KAZN: variants seen among roughly 807,000 people sequenced by gnomAD.
The protein encoded by KAZN is kazrin, periplakin interacting protein.
In KAZN, 40 loss-of-function variants were observed where a neutral mutation model predicts 87.4. The ratio of observed to expected loss-of-function variants is 0.46; its 90% CI spans 0.36 to 0.60. KAZN has a LOEUF of 0.60. Among genes scored for constraint, KAZN ranks in the 20% least tolerant of loss-of-function variants. The pLI is 0.00. For missense variants in KAZN, 898 were observed against 1,073.9 expected (o/e 0.84, Z 2.29); for synonymous variants, 466 against 458.3 (o/e 1.02, Z -0.22).
At chr1:14,258,195 A>ATTCTTTCTTTCT (rs201211061) in intron 2 of KAZN, among the ~76,000 whole-genome samples, 1 of 142,348 alleles carries the variant, frequency 7.0e-6, no homozygotes, top group African/African-American at 2.7e-5. Flanking sequence ...ACATTTCAAG[A>ATTCTTTCTTTCT]TTCTTTCTTT....
chr1:14,979,355 G>A (rs1459694933), intron 2 of KAZN, among the ~76,000 whole-genome samples: 1 of 151,908 alleles, frequency 6.6e-6, no homozygotes, highest in East Asian at 2.0e-4. Context: ...GTTGCAGTGA[G>A]CCGAGATCGC....
intron 2 of KAZN, among the ~76,000 whole-genome samples, chr1:14,422,135 G>T (rs1236112718): frequency 5.9e-5 from 9 of 152,140 alleles, no homozygotes; most frequent in Non-Finnish European, 1.2e-4. Context: ...GAAGAAAATA[G>T]GCAAATCGCT....
intron 2 of KAZN, among the ~76,000 whole-genome samples, chr1:14,499,584 G>T (rs751972565): frequency 1.3e-4 from 20 of 152,150 alleles, no homozygotes; most frequent in African/African-American, 4.8e-4. Flanking sequence ...GGGTTAGATG[G>T]GTGCACATTT....
chr1:14,875,725 G>A (rs1391467761), intron 1 of KAZN, among the ~76,000 whole-genome samples: 1 of 152,186 alleles, frequency 6.6e-6, no homozygotes. Context: ...CATGGAAACT[G>A]GCAATGACTA....
At chr1:14,561,541 G>C (rs1363166702) in intron 2 of KAZN, among the ~76,000 whole-genome samples, 1 of 152,152 alleles carries the variant, frequency 6.6e-6, no homozygotes, top group African/African-American at 2.4e-5. Context: ...CTGCAGGTGG[G>C]AAACTTTCAC....
At chr1:14,857,339 C>T (rs1557560567) in intron 1 of KAZN, among the ~76,000 whole-genome samples, 1 of 151,954 alleles carries the variant, frequency 6.6e-6, no homozygotes, top group Non-Finnish European at 1.5e-5. Context: ...AGCCTAAGCT[C>T]GAGACTAGCC....
At chr1:14,607,242 T>C (rs1206704783) in intron 1 of KAZN, among the ~76,000 whole-genome samples, 1 of 152,228 alleles carries the variant, frequency 6.6e-6, no homozygotes, top group African/African-American at 2.4e-5. Context: ...TTACCTATAA[T>C]ACCTCAACGA....
chr1:14,713,512 A>C (rs1268369756), intron 1 of KAZN, among the ~76,000 whole-genome samples: 1 of 152,002 alleles, frequency 6.6e-6, no homozygotes, highest in Non-Finnish European at 1.5e-5. Context: ...ATCTGGAGAT[A>C]TTTTTGGTTA....
intron 2 of KAZN, among the ~76,000 whole-genome samples, chr1:14,271,615 C>T (rs1251336854): frequency 6.6e-6 from 1 of 152,218 alleles, no homozygotes; most frequent in Non-Finnish European, 1.5e-5. Context: ...CTGTCTCTCT[C>T]ATCTTTTTAT....
chr1:14,122,751 A>C (rs1343824473), intron 1 of KAZN, among the ~76,000 whole-genome samples: 2 of 152,200 alleles, frequency 1.3e-5, no homozygotes, highest in African/African-American at 2.4e-5. Flanking sequence ...CTGAAGGCTT[A>C]TGTGTAAATA....
chr1:14,528,002 T>C (rs1201876292), intron 2 of KAZN, among the ~76,000 whole-genome samples: 3 of 64,252 alleles, frequency 4.7e-5, no homozygotes, highest in African/African-American at 6.7e-5. Flanking sequence ...TAGAATCCTA[T>C]CTATCTATCT....
intron 2 of KAZN, among the ~76,000 whole-genome samples, chr1:14,551,053 A>G (rs1233543459): frequency 2.6e-5 from 4 of 152,046 alleles, no homozygotes; most frequent in Non-Finnish European, 5.9e-5. Flanking sequence ...TAGAAATTGA[A>G]ATGCAAATAG....
At chr1:14,131,197 AG>A (rs1455757265) in intron 1 of KAZN, among the ~76,000 whole-genome samples, 3 of 152,184 alleles carry the variant, frequency 2.0e-5, no homozygotes, top group Non-Finnish European at 4.4e-5. Context: ...AACAGCAAGG[AG>A]GAAATCTGCT....
intron 1 of KAZN, among the ~76,000 whole-genome samples, chr1:14,827,723 G>C (rs1217365201): frequency 6.6e-6 from 1 of 152,174 alleles, no homozygotes; most frequent in Non-Finnish European, 1.5e-5. Context: ...CTTTCTGCCA[G>C]CAAGCTTCAA....
At chr1:14,010,449 G>C (rs1201912970) in intron 1 of KAZN, among the ~76,000 whole-genome samples, 10 of 152,212 alleles carry the variant, frequency 6.6e-5, no homozygotes, top group Non-Finnish European at 1.5e-5. Context: ...AAGGATGCCA[G>C]CGATGAAGCA....
intron 2 of KAZN, among the ~76,000 whole-genome samples, chr1:14,378,619 C>T (rs920696121): frequency 6.6e-6 from 1 of 152,164 alleles, no homozygotes; most frequent in Non-Finnish European, 1.5e-5. Context: ...GCATTGAACT[C>T]AGTGCTGCCC....
intron 2 of KAZN, among the ~76,000 whole-genome samples, chr1:14,281,346 C>T (rs1198526692): frequency 6.6e-6 from 1 of 152,222 alleles, no homozygotes; most frequent in African/African-American, 2.4e-5. Flanking sequence ...GTAATTACTT[C>T]TGCACACATA....
rs911507634 is a variant in KAZN, at chr1:13,942,455, G to C, written c.91+48699G>C. Among the ~76,000 whole-genome samples the C allele has an allele frequency of 3.5e-4, 51 of 146,370 alleles. 1 individual carries two copies. The highest frequency in any genetic ancestry group is 1.4e-3 in the Admixed American group (21 of 14,560). On this transcript the variant is annotated intron_variant, in intron 1 of 16. Coordinates refer to the KAZN transcript ENST00000636203. The stretch of plus-strand genomic sequence containing the variant: ...CTCGGGAGGCTGAGGCAGGAGAATG[G>C]CGTGAACCCGGGAAGCGGAGCTTGC...
intron 2 of KAZN, among the ~76,000 whole-genome samples, chr1:14,320,523 C>T (rs1655977247): frequency 6.6e-6 from 1 of 152,066 alleles, no homozygotes; most frequent in East Asian, 1.9e-4. Context: ...CCCCCCATTG[C>T]TCCATAATTT....
Sources: allele counts gnomAD v4.1 joint callset (sites outside exome capture counted in the v4.1 genomes callset), GRCh38; gene constraint gnomAD v4.1.1; transcripts MANE v1.5; gene names NCBI Gene and HGNC (gene_info 2026-07-23, HGNC 2026-07-21).